Variants in SAMD12 observed in about 807,000 individuals in gnomAD.
SAMD12 encodes sterile alpha motif domain containing 12.
Under a neutral mutation model 15.0 loss-of-function variants are expected in SAMD12, and 9 were observed. The observed-to-expected ratio is 0.60, with a 90% CI of 0.36 to 1.05. The LOEUF is 1.05. SAMD12 is among the 50% of genes least tolerant of loss of function. The pLI is 0.01. For synonymous variants in SAMD12, 86 were observed against 90.1 expected (o/e 0.96, Z 0.25); for missense variants, 230 against 234.2 (o/e 0.98, Z 0.12).
intron 4 of SAMD12, among the ~76,000 whole-genome samples, chr8:118,216,428 G>A (rs1811961629): frequency 6.6e-6 from 1 of 151,752 alleles, no homozygotes; most frequent in Non-Finnish European, 1.5e-5. Context: ...TCACTCTGAT[G>A]GTAGTTTCTT....
chr8:118,571,622 T>C (rs1255026631), intron 2 of SAMD12, among the ~76,000 whole-genome samples: 1 of 152,160 alleles, frequency 6.6e-6, no homozygotes, highest in Non-Finnish European at 1.5e-5. Context: ...GCTCTAGCCA[T>C]AGCTGAAAGG....
At chr8:118,266,203 A>G (rs552085095) in intron 4 of SAMD12, among the ~76,000 whole-genome samples, 1 of 152,254 alleles carries the variant, frequency 6.6e-6, no homozygotes, top group East Asian at 1.9e-4. Flanking sequence ...CTGCCTGATG[A>G]TCCAATCACC....
At chr8:118,429,340 A>C (rs770661113) in intron 3 of SAMD12, among the ~76,000 whole-genome samples, 2 of 152,218 alleles carry the variant, frequency 1.3e-5, no homozygotes, top group African/African-American at 2.4e-5. Context: ...GCAGTACTTC[A>C]GATTTTAAAT....
chr8:118,362,680 C>A (rs1433316614), intron 4 of SAMD12, among the ~76,000 whole-genome samples: 5 of 152,186 alleles, frequency 3.3e-5, no homozygotes, highest in African/African-American at 1.2e-4. Context: ...AAATCAAAGT[C>A]ACATACTTCT....
chr8:118,432,311 G>A (rs1211826624), intron 3 of SAMD12, among the ~76,000 whole-genome samples: 1 of 133,626 alleles, frequency 7.5e-6, no homozygotes, highest in African/African-American at 2.6e-5. Context: ...GTAATTTTTT[G>A]TGTGTGTCTG....
At chr8:118,532,093 A>G (rs1825705401) in intron 2 of SAMD12, among the ~76,000 whole-genome samples, 1 of 152,196 alleles carries the variant, frequency 6.6e-6, no homozygotes, top group South Asian at 2.1e-4. Flanking sequence ...TTATTTTGAG[A>G]TACATCCCAT....
rs1031181525 is a variant in SAMD12, at chr8:118,446,662, G to A, written c.193-6701C>T. On this transcript the variant is annotated intron_variant, in intron 2 of 3. Transcript: ENST00000314727. ...TTAATAAACATTAATGCTTCAAAACGTACTTTCATATGGAAGTCAAAGTCA... is the reference window on the plus strand; with the variant it reads ...TTAATAAACATTAATGCTTCAAAACATACTTTCATATGGAAGTCAAAGTCA... 1.8e-4 allele frequency among the ~76,000 whole-genome samples: 28 copies of A among 152,080 alleles called. 1 individual carries two copies. The highest frequency in any genetic ancestry group is 2.4e-5 in the African/African-American group (1 of 41,386).
At chr8:118,477,115 G>T (rs1823983580) in intron 2 of SAMD12, among the ~76,000 whole-genome samples, 1 of 150,934 alleles carries the variant, frequency 6.6e-6, no homozygotes. Context: ...GCTCAGCCTG[G>T]AGTGCAGTGT....
At chr8:118,558,225 T>C (rs953720029) in intron 2 of SAMD12, among the ~76,000 whole-genome samples, 1 of 152,200 alleles carries the variant, frequency 6.6e-6, no homozygotes, top group African/African-American at 2.4e-5. Flanking sequence ...TTTTTAGTTG[T>C]TAGTTCAGGG....
chr8:118,417,253 A>C (rs931598150), intron 3 of SAMD12, among the ~76,000 whole-genome samples: 3 of 151,986 alleles, frequency 2.0e-5, no homozygotes, highest in Admixed American at 6.6e-5. Context: ...GTTAATTTTT[A>C]AAAATTATTT....
intron 2 of SAMD12, among the ~76,000 whole-genome samples, chr8:118,554,171 T>C (rs917455514): frequency 7.9e-5 from 12 of 152,092 alleles, no homozygotes; most frequent in Admixed American, 7.2e-4. Context: ...GACCCAGACA[T>C]CCCATTACTG....
At chr8:118,192,781 A>T (rs1186533215) in exon 5 of SAMD12, 1 of 152,224 alleles carries the variant, frequency 6.6e-6, no homozygotes, top group African/African-American at 2.4e-5. Flanking sequence ...TATGTCAACC[A>T]GCCAATGGTA....
At chr8:118,532,398 CT>C (rs139355704) in intron 2 of SAMD12, among the ~76,000 whole-genome samples, 5 of 151,620 alleles carry the variant, frequency 3.3e-5, no homozygotes, top group African/African-American at 1.2e-4. Flanking sequence ...CTAAAATTCT[CT>C]TTTTTTTGTT....
intron 3 of SAMD12, among the ~76,000 whole-genome samples, chr8:118,435,562 T>C (rs1348683819): frequency 6.6e-6 from 1 of 152,206 alleles, no homozygotes; most frequent in African/African-American, 2.4e-5. Context: ...AAAATTTTGA[T>C]ATTGCAAAAG....
chr8:118,296,483 G>A (rs1814721110), intron 4 of SAMD12, among the ~76,000 whole-genome samples: 1 of 152,110 alleles, frequency 6.6e-6, no homozygotes. Flanking sequence ...TTATTTCCAG[G>A]AATATTTGAT....
intron 4 of SAMD12, among the ~76,000 whole-genome samples, chr8:118,244,374 C>T (rs1812640212): frequency 6.6e-6 from 1 of 152,076 alleles, no homozygotes; most frequent in Admixed American, 6.6e-5. Context: ...GGCTAAAGAC[C>T]ATTGTCTCTA....
intron 4 of SAMD12, among the ~76,000 whole-genome samples, chr8:118,211,691 TTTC>T (rs1811829656): frequency 6.6e-6 from 1 of 152,216 alleles, no homozygotes; most frequent in Admixed American, 6.5e-5. Flanking sequence ...AGCTTTTTTT[TTTC>T]TTAATTTTCT....
intron 4 of SAMD12, among the ~76,000 whole-genome samples, chr8:118,341,588 G>A (rs1321555240): frequency 2.0e-5 from 3 of 152,072 alleles, no homozygotes; most frequent in African/African-American, 7.2e-5. Flanking sequence ...ATGCCAGCGT[G>A]GTCAGTTTCT....
intron 2 of SAMD12, among the ~76,000 whole-genome samples, chr8:118,507,252 C>T (rs1203412231): frequency 3.3e-5 from 5 of 151,998 alleles, no homozygotes; most frequent in African/African-American, 1.2e-4. Context: ...TCATTTTATT[C>T]AAAGCTCAGG....
Sources: allele counts gnomAD v4.1 joint callset (sites outside exome capture counted in the v4.1 genomes callset), GRCh38; gene constraint gnomAD v4.1.1; transcripts MANE v1.5; gene names NCBI Gene and HGNC (gene_info 2026-07-23, HGNC 2026-07-21).